PREX2: variants seen among roughly 807,000 people sequenced by gnomAD.
PREX2 encodes the protein phosphatidylinositol 3,4,5-trisphosphate-dependent Rac exchanger 2 protein.
PREX2 carries 107 observed loss-of-function variants against 203.2 expected under a neutral mutation model. The observed-to-expected ratio is 0.53, with a 90% CI of 0.45 to 0.62. PREX2 has a LOEUF of 0.62. PREX2 is among the 20% of genes least tolerant of loss of function. The probability of loss-of-function intolerance (pLI) is 0.00; values close to 1 mark genes in which losing one functional copy is unlikely to be tolerated. For missense variants in PREX2, 1,777 were observed against 1,955.9 expected, an observed-to-expected ratio of 0.91 and a Z score of 1.72; for synonymous variants, 672 against 663.6, an observed-to-expected ratio of 1.01 and a Z score of -0.19.
At chr8:67,998,593 A>G (rs1295725755) in intron 1 of PREX2, among the ~76,000 whole-genome samples, 3 of 152,130 alleles carry the variant, frequency 2.0e-5, no homozygotes, top group South Asian at 4.1e-4. Context: ...ATAGTGAGAC[A>G]GTGTCTCTAG....
chr8:68,067,767 T>C (rs1304989646), intron 11 of PREX2, among the ~76,000 whole-genome samples: 1 of 152,122 alleles, frequency 6.6e-6, no homozygotes, highest in Non-Finnish European at 1.5e-5. Context: ...TGAACAGAAG[T>C]AGAGAAAGTA....
Position 68,069,142 on chromosome 8 carries a change from GACCTCTCCCACA to G in PREX2, c.1443+15_1443+26del. On this transcript the variant is annotated splice_region_variant and intron_variant, in intron 12 of 39. Transcript: ENST00000288368. ...TGCAGGACGTGATTTCAAAGGTAAC[GACCTCTCCCACA>G]ACCTCTCCAATAGTAGAATGCATGT... The G allele has an allele frequency of 1.4e-6, 2 of 1,409,616 alleles. No homozygotes were observed. The highest frequency in any genetic ancestry group is 1.2e-5 in the South Asian group (1 of 80,238). 87.3% of individuals were successfully genotyped at this position (1,409,616 alleles called of 1,614,324 possible).
chr8:68,189,178 T>C (rs1159704907), intron 35 of PREX2, among the ~76,000 whole-genome samples: 3 of 152,222 alleles, frequency 2.0e-5, no homozygotes, highest in African/African-American at 7.2e-5. Flanking sequence ...TAATCCTACA[T>C]AAGTACCTGT....
intron 38 of PREX2, 109 bp from the exon 39 acceptor site, chr8:68,224,450 T>C (rs1011539660): frequency 3.2e-5 from 26 of 821,060 alleles, no homozygotes; most frequent in Non-Finnish European, 4.9e-5. Context: ...CTAATCTCCC[T>C]TGATGTTAAA....
At chr8:68,176,209 A>G (rs1811975734) in intron 35 of PREX2, among the ~76,000 whole-genome samples, 1 of 152,228 alleles carries the variant, frequency 6.6e-6, no homozygotes, top group Non-Finnish European at 1.5e-5. Flanking sequence ...GAGAGATGAC[A>G]GAGGAACAAA....
chr8:68,072,762 G>C (rs976048577), intron 14 of PREX2, among the ~76,000 whole-genome samples, 192 bp downstream of exon 14: 16 of 152,236 alleles, frequency 1.1e-4, no homozygotes, highest in South Asian at 2.1e-4. Flanking sequence ...TCACTTTTGT[G>C]TTATCCTGTT....
chr8:68,061,259 A>T (rs1253416740), intron 11 of PREX2, among the ~76,000 whole-genome samples: 2 of 152,232 alleles, frequency 1.3e-5, no homozygotes, highest in Admixed American at 6.5e-5. Context: ...TCCATGGATG[A>T]ACATACTGGC....
chr8:68,083,878 C>T (rs1294547725), intron 18 of PREX2, among the ~76,000 whole-genome samples: 1 of 152,086 alleles, frequency 6.6e-6, no homozygotes, highest in Non-Finnish European at 1.5e-5. Flanking sequence ...AACTATCTAC[C>T]TATGATTAGA....
rs371867572 is a variant in PREX2, at chr8:68,034,022, CAG to C, written c.705+3366_705+3367del. Among the ~76,000 whole-genome samples the C allele has an allele frequency of 5.0e-3, 768 of 152,260 alleles. 5 individuals are homozygous for C. The highest frequency in any genetic ancestry group is 0.017 in the African/African-American group (724 of 41,574). On this transcript the variant is annotated intron_variant, in intron 6 of 39. Coordinates refer to ENST00000288368, the MANE Select transcript of PREX2 (RefSeq NM_024870.4). ...CTTACTACGTGCTATTATATCCACT[CAG>C]ATACAAATTTGGCAAATTCTTTGGA...
At chr8:68,180,579 G>A (rs893118574) in intron 35 of PREX2, among the ~76,000 whole-genome samples, 4 of 152,042 alleles carry the variant, frequency 2.6e-5, no homozygotes, top group Admixed American at 2.6e-4. Context: ...GAAAACAGAT[G>A]CTTATGGGAT....
intron 1 of PREX2, among the ~76,000 whole-genome samples, chr8:67,958,448 A>G (rs866812156): frequency 2.1e-4 from 32 of 152,218 alleles, no homozygotes; most frequent in Admixed American, 3.9e-4. Context: ...TCTTGTAATT[A>G]TACCCTATTA....
At chr8:68,122,986 T>C (rs1474600146) in intron 30 of PREX2, among the ~76,000 whole-genome samples, 1 of 152,080 alleles carries the variant, frequency 6.6e-6, no homozygotes, top group Non-Finnish European at 1.5e-5. Context: ...TTCTGTTGTA[T>C]TGGGATAGAG....
intron 13 of PREX2, among the ~76,000 whole-genome samples, chr8:68,072,066 A>G (rs1033874249): frequency 1.3e-5 from 2 of 152,166 alleles, no homozygotes; most frequent in African/African-American, 4.8e-5. Context: ...CATATAATGA[A>G]ACCAATTTTG....
chr8:68,091,929 C>G (rs1423680647), intron 20 of PREX2, among the ~76,000 whole-genome samples: 1 of 152,188 alleles, frequency 6.6e-6, no homozygotes, highest in Non-Finnish European at 1.5e-5. Flanking sequence ...AAATAGACCA[C>G]TGCAAAACTT....
chr8:68,103,105 C>T (rs764398143), intron 23 of PREX2: 10 of 395,040 alleles, frequency 2.5e-5, no homozygotes, highest in Non-Finnish European at 4.5e-5. Flanking sequence ...AGAGATAGTT[C>T]CTGTTTACAC....
At chr8:68,124,404 C>CGTA (rs1283314191) in intron 30 of PREX2, among the ~76,000 whole-genome samples, 1 of 152,070 alleles carries the variant, frequency 6.6e-6, no homozygotes, top group East Asian at 1.9e-4. Flanking sequence ...AACCAAATAC[C>CGTA]ACATGTTCTC....
In PREX2 at chr8:68,060,677, A is replaced by C; in HGVS notation, c.1239-2A>C. The C allele has an allele frequency of 6.2e-7, 1 of 1,608,068 alleles. No individual in the cohort carries two copies. Reference sequence around the variant, plus strand: ...AGCTTTTTCACTGACTTTCTCTTGCAGCGAATTTGTGTCATGGCTGTTGGA... The same window carrying C: ...AGCTTTTTCACTGACTTTCTCTTGCCGCGAATTTGTGTCATGGCTGTTGGA... On this transcript the variant is annotated splice_acceptor_variant, in intron 10 of 39. Transcript: ENST00000288368. LOFTEE classifies it high-confidence loss of function.
chr8:67,967,384 T>C (rs1011758365), intron 1 of PREX2, among the ~76,000 whole-genome samples: 2 of 152,218 alleles, frequency 1.3e-5, no homozygotes, highest in African/African-American at 4.8e-5. Flanking sequence ...AAAGGTGCAA[T>C]CTTTAAAATC....
In PREX2 at chr8:67,999,478, C is replaced by CAAAAAAAAAAAAAAAAAAAAAA. The variant is rs58916146; in HGVS notation, c.142-18351_142-18350insAAAAAAAAAAAAAAAAAAAAAA. ...AATCAGTAATAAATAGCCAACAAAC[C>CAAAAAAAAAAAAAAAAAAAAAA]AAAAAAAAAAAAAAAAAGCCCAGAA... On this transcript the variant is annotated intron_variant, in intron 1 of 39. Transcript: ENST00000288368. 2.2e-5 allele frequency among the ~76,000 whole-genome samples: 2 copies of CAAAAAAAAAAAAAAAAAAAAAA among 92,092 alleles called. 1 individual carries two copies. Among genetic ancestry groups the CAAAAAAAAAAAAAAAAAAAAAA allele is most frequent in the Non-Finnish European group, 4.3e-5 (2 of 46,528 alleles). The allele number at this position is 92,092 out of a possible 152,430, so 60.4% of individuals were successfully genotyped here.
Sources: gnomAD v4.1 joint callset for allele counts (sites outside exome capture counted in the v4.1 genomes callset) on GRCh38, gnomAD v4.1.1 for gene constraint, MANE v1.5 for transcripts, NCBI Gene and HGNC (gene_info 2026-07-23, HGNC 2026-07-21) for gene names.